PAX9: variants seen among roughly 807,000 people sequenced by gnomAD.
The protein encoded by PAX9 is paired box 9.
In PAX9, 6 loss-of-function variants were observed where a neutral mutation model predicts 29.1. The observed-to-expected ratio is 0.21, with a 90% confidence interval of 0.11 to 0.41. The LOEUF is 0.41. Ranked by LOEUF, PAX9 falls within the 10% of genes least tolerant of loss-of-function variation. The probability of loss-of-function intolerance (pLI) is 1.00; values close to 1 mark genes in which losing one functional copy is unlikely to be tolerated. For missense variants in PAX9, 443 were observed against 479.1 expected, an observed-to-expected ratio of 0.92 and a Z score of 0.70; for synonymous variants, 217 against 211.7, an observed-to-expected ratio of 1.03 and a Z score of -0.22.
chr14:36,665,092 T>C (rs1881437356), intron 2 of PAX9, among the ~76,000 whole-genome samples: 1 of 148,274 alleles, frequency 6.7e-6, no homozygotes, highest in South Asian at 2.1e-4. Flanking sequence ...CAGGCAGTTC[T>C]GGACCAAAAC....
chr14:36,672,154 C>T (rs1566475590), intron 3 of PAX9: 1 of 152,140 alleles, frequency 6.6e-6, no homozygotes, highest in Non-Finnish European at 1.5e-5. Context: ...ATGCCCATTG[C>T]TGGGGTTTCA....
At chr14:36,661,575 G>C (rs977825455), upstream of PAX9, 3 of 181,306 alleles carry the variant, frequency 1.7e-5, no homozygotes, top group Non-Finnish European at 2.3e-5. Flanking sequence ...TTCTCCCTTC[G>C]AGTCATTCAC....
rs531201398 is a variant in PAX9, at chr14:36,675,187, C to T, written c.772-1011C>T. On this transcript the variant is annotated intron_variant, in intron 3 of 3. Transcript: ENST00000361487. ...TGTAACTATCAGGACACAGCATCTA[C>T]ACTTTATTTCTAAAGAGTATAAAAA... 1.0e-3 allele frequency among the ~76,000 whole-genome samples: 156 copies of T among 152,326 alleles called. 1 individual carries two copies. The highest frequency in any genetic ancestry group is 3.6e-3 in the African/African-American group (151 of 41,562).
At chr14:36,664,625 C>A (rs1387224669) in intron 2 of PAX9, among the ~76,000 whole-genome samples, 3 of 147,898 alleles carry the variant, frequency 2.0e-5, no homozygotes, top group Non-Finnish European at 4.4e-5. Context: ...AAAAGAAAGT[C>A]TGAATGACCT....
chr14:36,676,621 C>T lies in PAX9; in HGVS notation c.*169C>T. 2.6e-6 allele frequency: 2 copies of T among 758,552 alleles called. No homozygotes were observed. Among genetic ancestry groups the T allele is most frequent in the Admixed American group, 2.3e-5 (1 of 43,292 alleles). 47.0% of individuals were successfully genotyped at this position (758,552 alleles called of 1,614,324 possible). A position where few individuals can be genotyped will look rare whatever the true frequency, so the allele number is the denominator to read the frequency against. On this transcript the variant is annotated 3_prime_UTR_variant, in exon 4 of 4. Coordinates refer to ENST00000361487, the MANE Select transcript of PAX9 (RefSeq NM_001372076.1). ...GCTAATGACACTTACATATTTCTTG[C>T]CATAACTTTTCTCTTGCAGAAAAAC...
At chr14:36,662,195 G>T in intron 1 of PAX9, 102 bp downstream of exon 1, 1 of 1,275,276 alleles carries the variant, frequency 7.8e-7, no homozygotes, top group South Asian at 1.5e-5. Context: ...CGCGCCACTA[G>T]GCGCTCACAT....
chr14:36,672,860 T>TTTTTTTTTG, intron 3 of PAX9, among the ~76,000 whole-genome samples: 1 of 75,310 alleles, frequency 1.3e-5, no homozygotes, highest in Non-Finnish European at 2.7e-5. Context: ...TCCTTTTTTT[T>TTTTTTTTTG]TTTTTTTTTT....
In PAX9 at chr14:36,663,346, C is replaced by T. The variant is rs779529500; in HGVS notation, c.454C>T (p.Pro152Ser). The change falls in exon 2 of 4, where the codon CCA becomes TCA. Residue 152 changes from proline (P) to serine (S), a missense_variant. Physicochemically the swap from Pro to Ser is moderately conservative, Grantham distance 74. Coordinates refer to ENST00000361487, the MANE Select transcript of PAX9 (RefSeq NM_001372076.1). ...CAAGCAGCACCAGCCGACGCCGCAG[C>T]CAGCGCTGCCCTACAACCACATCTA... ...SYKQHQPTPQ[P>S]ALPYNHIYSY... is the part of the protein sequence containing the mutation. 26 of 1,613,996 alleles carry T rather than the reference C, an allele frequency of 1.6e-5. No homozygotes were observed. The highest frequency in any genetic ancestry group is 1.7e-5 in the Non-Finnish European group (20 of 1,180,050).
At chr14:36,672,114 A>G (rs2139118529) in intron 3 of PAX9, 1 of 152,302 alleles carries the variant, frequency 6.6e-6, no homozygotes, top group East Asian at 1.9e-4. Context: ...CTTTAGGTAA[A>G]GTCATTTTCA....
chr14:36,678,755 G>A lies in PAX9; in HGVS notation c.*2303G>A, dbSNP rs1421851832. Reference sequence around the variant, plus strand: ...TTGTGCTATTTATAATTTTTTTCTGGTTCTTGTATTTTAAAAAATCTAATA... The same window carrying A: ...TTGTGCTATTTATAATTTTTTTCTGATTCTTGTATTTTAAAAAATCTAATA... On this transcript the variant is annotated 3_prime_UTR_variant, in exon 4 of 4. Coordinates refer to ENST00000361487, the MANE Select transcript of PAX9 (RefSeq NM_001372076.1). The A allele has an allele frequency of 1.8e-6, 2 of 1,118,772 alleles. No homozygotes were observed. The highest frequency in any genetic ancestry group is 2.2e-6 in the Non-Finnish European group (2 of 910,076). The allele number at this position is 1,118,772 out of a possible 1,614,324, so 69.3% of individuals were successfully genotyped here.
At chr14:36,661,793 C>T (rs1881277566), upstream of PAX9, 3 of 515,824 alleles carry the variant, frequency 5.8e-6, no homozygotes, top group East Asian at 7.1e-5. Flanking sequence ...ATGCAGCTTG[C>T]CCTCGGACCC....
intron 3 of PAX9, among the ~76,000 whole-genome samples, chr14:36,675,312 G>A (rs1045338096): frequency 2.0e-5 from 3 of 152,160 alleles, no homozygotes; most frequent in Non-Finnish European, 2.9e-5. Context: ...TAATAGTAAC[G>A]ATACCAACAA....
chr14:36,667,818 A>G (rs1881563037), intron 3 of PAX9, among the ~76,000 whole-genome samples: 1 of 152,216 alleles, frequency 6.6e-6, no homozygotes, highest in South Asian at 2.1e-4. Flanking sequence ...GTCAATGAGA[A>G]ATGATAAGGA....
chr14:36,675,555 A>T (rs1881854591), intron 3 of PAX9, among the ~76,000 whole-genome samples: 1 of 152,248 alleles, frequency 6.6e-6, no homozygotes, highest in Non-Finnish European at 1.5e-5. Context: ...TTCCTTTCTG[A>T]TAAAACAGTC....
At position 36,672,852 on chromosome 14, in the gene PAX9, C is replaced by CTTTTTTTTTTTTTTTTTTTTTTTTTTTT. The variant is rs3061562; in HGVS notation, c.772-3343_772-3316dup. Among the ~76,000 whole-genome samples, 54 of 19,166 alleles carry CTTTTTTTTTTTTTTTTTTTTTTTTTTTT rather than the reference C, an allele frequency of 2.8e-3. 20 individuals are homozygous for CTTTTTTTTTTTTTTTTTTTTTTTTTTTT. Among genetic ancestry groups the CTTTTTTTTTTTTTTTTTTTTTTTTTTTT allele is most frequent in the Non-Finnish European group, 3.7e-3 (39 of 10,452 alleles). The allele number at this position is 19,166 out of a possible 152,430, so 12.6% of individuals were successfully genotyped here. Reference sequence around the variant, plus strand: ...TTCTTTTTTCTTTCTTTCTTTCTTCCTTTTTTTTTTTTTTTTTTTTTTTTT... The same window carrying CTTTTTTTTTTTTTTTTTTTTTTTTTTTT: ...TTCTTTTTTCTTTCTTTCTTTCTTCCTTTTTTTTTTTTTTTTTTTTTTTTTTTTTTTTTTTTTTTTTTTTTTTTTTTTT... On this transcript the variant is annotated intron_variant, in intron 3 of 3. Coordinates refer to ENST00000361487, the MANE Select transcript of PAX9 (RefSeq NM_001372076.1).
chr14:36,678,640 G>A lies in PAX9; in HGVS notation c.*2188G>A. The A allele has an allele frequency of 7.9e-7, 1 of 1,272,810 alleles. No homozygotes were observed. Among genetic ancestry groups the A allele is most frequent in the Non-Finnish European group, 9.9e-7 (1 of 1,009,144 alleles). 78.8% of individuals were successfully genotyped at this position (1,272,810 alleles called of 1,614,324 possible). Reference sequence around the variant, plus strand: ...ATTCTTTATCAAATGTTTTTAGGTGGCTGTTAGGGGGCTTTAAAAAATATT... The same window carrying A: ...ATTCTTTATCAAATGTTTTTAGGTGACTGTTAGGGGGCTTTAAAAAATATT... On this transcript the variant is annotated 3_prime_UTR_variant, in exon 4 of 4. Transcript: ENST00000361487.
At chr14:36,665,642 G>T (rs1324445922) in intron 2 of PAX9, among the ~76,000 whole-genome samples, 3 of 151,468 alleles carry the variant, frequency 2.0e-5, no homozygotes, top group Non-Finnish European at 4.4e-5. Context: ...ATAACTGATG[G>T]CATTACACCT....
Position 36,676,438 on chromosome 14 carries a change from GCTTCCGCGCTCTGATGGGA to G in PAX9, c.1013_*5del. 1.2e-6 allele frequency: 2 copies of G among 1,613,306 alleles called. No homozygotes were observed. Among genetic ancestry groups the G allele is most frequent in the Non-Finnish European group, 1.7e-6 (2 of 1,180,034 alleles). ...CAGAGAAGGTAGTCATTCTGTCACG[GCTTCCGCGCTCTGATGGGA>G]AATTCCGTCTCCAGCAGCTTCACCC... On this transcript the variant is annotated stop_lost and 3_prime_UTR_variant, in exon 4 of 4. Coordinates refer to ENST00000361487, the MANE Select transcript of PAX9 (RefSeq NM_001372076.1).
chr14:36,661,851 G>T, upstream of PAX9: 1 of 607,386 alleles, frequency 1.6e-6, no homozygotes, highest in Non-Finnish European at 2.9e-6. Context: ...GAGCCGCCCT[G>T]CCCTGCTCAG....
Sources: allele counts gnomAD v4.1 joint callset (sites outside exome capture counted in the v4.1 genomes callset), GRCh38; gene constraint gnomAD v4.1.1; transcripts MANE v1.5; gene names NCBI Gene and HGNC (gene_info 2026-07-23, HGNC 2026-07-21).